The following PRKD1 variants were observed in gnomAD, a reference collection of about 807,000 sequenced individuals.
PRKD1 encodes protein kinase D1.
A neutral mutation model predicts 95.9 loss-of-function variants in PRKD1; 63 were observed. The ratio of observed to expected loss-of-function variants is 0.66; its 90% CI spans 0.54 to 0.81. The LOEUF is 0.81. PRKD1 is among the 30% of genes least tolerant of loss of function. PRKD1 has a pLI of 0.00. For synonymous variants in PRKD1, 425 were observed against 423.1 expected (o/e 1.00, Z -0.05); for missense variants, 1,048 against 1,165.3 (o/e 0.90, Z 1.47).
intron 13 of PRKD1, among the ~76,000 whole-genome samples, chr14:29,610,371 C>T (rs1470479319): frequency 6.6e-6 from 1 of 151,992 alleles, no homozygotes; most frequent in Non-Finnish European, 1.5e-5. Flanking sequence ...TTAACAGACC[C>T]CCTTACCAAA....
At chr14:29,648,837 G>C (rs1234487609) in intron 4 of PRKD1, among the ~76,000 whole-genome samples, 1 of 152,076 alleles carries the variant, frequency 6.6e-6, no homozygotes, top group Non-Finnish European at 1.5e-5. Flanking sequence ...TGTATTTTTA[G>C]TAGAGACGGG....
intron 1 of PRKD1, among the ~76,000 whole-genome samples, chr14:29,845,646 T>C (rs1383140763): frequency 1.3e-5 from 2 of 152,134 alleles, no homozygotes; most frequent in South Asian, 2.1e-4. Flanking sequence ...ATAAAACTAA[T>C]ACAACTAAAA....
intron 2 of PRKD1, among the ~76,000 whole-genome samples, chr14:29,722,105 T>C (rs1422553211): frequency 6.6e-6 from 1 of 152,218 alleles, no homozygotes; most frequent in African/African-American, 2.4e-5. Context: ...TCATTTTTAC[T>C]GCAGTCCTGT....
intron 1 of PRKD1, among the ~76,000 whole-genome samples, chr14:29,767,036 C>A (rs1330441098): frequency 6.6e-6 from 1 of 152,082 alleles, no homozygotes; most frequent in Non-Finnish European, 1.5e-5. Flanking sequence ...TTATCATGTG[C>A]AAATTTTGAA....
chr14:29,640,326 A>G (rs1339892772), intron 4 of PRKD1, among the ~76,000 whole-genome samples: 1 of 152,234 alleles, frequency 6.6e-6, no homozygotes, highest in East Asian at 1.9e-4. Flanking sequence ...ACATTTACAA[A>G]AAATTTCTAT....
At chr14:29,633,501 A>G (rs1880164510) in intron 8 of PRKD1, among the ~76,000 whole-genome samples, 1 of 152,200 alleles carries the variant, frequency 6.6e-6, no homozygotes, top group African/African-American at 2.4e-5. Flanking sequence ...GCATCAAACA[A>G]CCAACTCTAC....
chr14:29,880,731 G>A (rs1157653067), intron 1 of PRKD1, among the ~76,000 whole-genome samples: 2 of 152,014 alleles, frequency 1.3e-5, no homozygotes, highest in East Asian at 1.9e-4. Context: ...AAAGCCACAG[G>A]GGCGGAGCTA....
intron 1 of PRKD1, among the ~76,000 whole-genome samples, chr14:29,843,896 G>C (rs1178610792): frequency 2.6e-5 from 4 of 152,198 alleles, no homozygotes; most frequent in Non-Finnish European, 5.9e-5. Flanking sequence ...TCAATGAAAA[G>C]ATGACATTCG....
At chr14:29,845,566 T>C (rs1284032180) in intron 1 of PRKD1, among the ~76,000 whole-genome samples, 1 of 152,198 alleles carries the variant, frequency 6.6e-6, no homozygotes, top group East Asian at 1.9e-4. Flanking sequence ...AAATGGAAGA[T>C]GGCATATAAT....
chr14:29,735,758 C>T (rs1186819071), intron 1 of PRKD1, among the ~76,000 whole-genome samples: 1 of 152,188 alleles, frequency 6.6e-6, no homozygotes, highest in Non-Finnish European at 1.5e-5. Context: ...TGTTTCTGCA[C>T]TGCTGACATT....
At chr14:29,854,237 G>T (rs142509038) in intron 1 of PRKD1, among the ~76,000 whole-genome samples, 20 of 152,302 alleles carry the variant, frequency 1.3e-4, no homozygotes, top group African/African-American at 4.8e-4. Context: ...GAAAATGTGG[G>T]AAAGTTTGGA....
chr14:29,745,540 C>A (rs1305136133), intron 1 of PRKD1, among the ~76,000 whole-genome samples: 1 of 152,158 alleles, frequency 6.6e-6, no homozygotes, highest in East Asian at 1.9e-4. Context: ...GCAATCATAG[C>A]TCACTGCAAC....
chr14:29,846,914 T>G (rs1057053464), intron 1 of PRKD1, among the ~76,000 whole-genome samples: 1 of 152,162 alleles, frequency 6.6e-6, no homozygotes, highest in Non-Finnish European at 1.5e-5. Context: ...TGTGTTAAAG[T>G]GACCTCATGC....
chr14:29,866,619 GAC>G (rs1342700828), intron 1 of PRKD1, among the ~76,000 whole-genome samples: 3 of 152,162 alleles, frequency 2.0e-5, no homozygotes, highest in Non-Finnish European at 2.9e-5. Flanking sequence ...AGAGACAGAT[GAC>G]ACAACAGGGG....
intron 1 of PRKD1, among the ~76,000 whole-genome samples, chr14:29,800,848 A>C (rs1322447785): frequency 6.6e-6 from 1 of 152,078 alleles, no homozygotes; most frequent in East Asian, 1.9e-4. Flanking sequence ...CTTTCCTTCT[A>C]GCTCCACACT....
chr14:29,700,387 C>CT (rs1217242577), intron 2 of PRKD1, among the ~76,000 whole-genome samples: 8 of 152,248 alleles, frequency 5.3e-5, no homozygotes, highest in Non-Finnish European at 2.9e-5. Flanking sequence ...TCTTAAATCT[C>CT]TTTTGATCTA....
intron 1 of PRKD1, among the ~76,000 whole-genome samples, chr14:29,869,910 G>A (rs1175710141): frequency 6.6e-6 from 1 of 152,096 alleles, no homozygotes; most frequent in Non-Finnish European, 1.5e-5. Flanking sequence ...GGTGACTGGC[G>A]AGAGGTGGGT....
At chr14:29,668,577 C>T (rs2139226056) in intron 2 of PRKD1, among the ~76,000 whole-genome samples, 1 of 152,258 alleles carries the variant, frequency 6.6e-6, no homozygotes, top group Non-Finnish European at 1.5e-5. Context: ...GCCAAAAACC[C>T]TAAGATAATC....
chr14:29,584,313 GTCA>G (rs566635617), intron 16 of PRKD1, among the ~76,000 whole-genome samples: 69 of 151,354 alleles, frequency 4.6e-4, no homozygotes, highest in African/African-American at 1.5e-3. Context: ...ATTTACAGGT[GTCA>G]TTGTTGTGGC....
Sources: gnomAD v4.1 joint callset for allele counts (sites outside exome capture counted in the v4.1 genomes callset) on GRCh38, gnomAD v4.1.1 for gene constraint, MANE v1.5 for transcripts, NCBI Gene and HGNC (gene_info 2026-07-23, HGNC 2026-07-21) for gene names.